The following CYB5R4 variants were observed in gnomAD, a reference collection of about 807,000 sequenced individuals.
CYB5R4 encodes the protein cytochrome b5 reductase 4, also known as N-terminal cytochrome b5 and cytochrome b5 oxidoreductase domain-containing protein.
CYB5R4 carries 55 observed loss-of-function variants against 70.2 expected under a neutral mutation model. The observed-to-expected ratio is 0.78, with a 90% CI of 0.63 to 0.98. CYB5R4 has a LOEUF of 0.98. Ranked by LOEUF, CYB5R4 falls within the 50% of genes least tolerant of loss-of-function variation. The pLI, the probability that CYB5R4 is intolerant of heterozygous loss-of-function variation, is 0.00. For missense variants in CYB5R4, 562 were observed against 612.6 expected (o/e 0.92, Z 0.87); for synonymous variants, 197 against 199.5 (o/e 0.99, Z 0.11).
At chr6:83,871,435 TA>T (rs1331631896) in intron 2 of CYB5R4, among the ~76,000 whole-genome samples, 1 of 152,210 alleles carries the variant, frequency 6.6e-6, no homozygotes, top group Non-Finnish European at 1.5e-5. Flanking sequence ...CTTTATCTCC[TA>T]AATTGTCATT....
chr6:83,894,942 G>A (rs1473207098), intron 3 of CYB5R4, among the ~76,000 whole-genome samples: 1 of 152,132 alleles, frequency 6.6e-6, no homozygotes, highest in African/African-American at 2.4e-5. Flanking sequence ...CTCGGTTGCA[G>A]TTCAAACCTG....
intron 3 of CYB5R4, among the ~76,000 whole-genome samples, chr6:83,902,402 G>A (rs997729006): frequency 4.6e-5 from 7 of 151,994 alleles, no homozygotes; most frequent in Non-Finnish European, 1.0e-4. Context: ...TACCAATACT[G>A]TGCTGTTTTG....
intron 14 of CYB5R4, among the ~76,000 whole-genome samples, chr6:83,952,932 C>T (rs2099471771): frequency 6.6e-6 from 1 of 152,106 alleles, no homozygotes; most frequent in African/African-American, 2.4e-5. Context: ...CTGATGATGC[C>T]AGAAGCAGAA....
At chr6:83,934,272 T>G (rs771829069) in intron 10 of CYB5R4, among the ~76,000 whole-genome samples, 1 of 151,740 alleles carries the variant, frequency 6.6e-6, no homozygotes, top group South Asian at 2.1e-4. Flanking sequence ...AGAATGTAAG[T>G]TTCTTCATTA....
intron 2 of CYB5R4, among the ~76,000 whole-genome samples, chr6:83,873,354 C>T (rs958545731): frequency 1.3e-5 from 2 of 150,978 alleles, no homozygotes; most frequent in African/African-American, 4.9e-5. Context: ...ATTCTCGTGC[C>T]TCAGCCTCCC....
At chr6:83,910,609 G>A (rs1312347251) in intron 4 of CYB5R4, among the ~76,000 whole-genome samples, 2 of 152,176 alleles carry the variant, frequency 1.3e-5, no homozygotes, top group Non-Finnish European at 2.9e-5. Context: ...TGTTTTGTTT[G>A]TGTTAGCATT....
chr6:83,905,041 T>A (rs6914522), intron 3 of CYB5R4, among the ~76,000 whole-genome samples: 23,691 of 151,706 alleles, frequency 0.16, 3,633 homozygotes, highest in African/African-American at 0.38. Context: ...TTTTGTATGT[T>A]TGTTTTGTTT....
At chr6:83,892,520 C>G (rs2099461261) in intron 2 of CYB5R4, among the ~76,000 whole-genome samples, 1 of 152,102 alleles carries the variant, frequency 6.6e-6, no homozygotes. Context: ...GAAAAAGCAA[C>G]TTACTTCCTT....
chr6:83,883,961 G>A (rs1050697446), intron 2 of CYB5R4, among the ~76,000 whole-genome samples: 1 of 151,748 alleles, frequency 6.6e-6, no homozygotes, highest in Non-Finnish European at 1.5e-5. Context: ...AATTTAAAGA[G>A]GAAGGCCAAA....
intron 3 of CYB5R4, among the ~76,000 whole-genome samples, chr6:83,900,114 G>A (rs1342229435): frequency 6.6e-6 from 1 of 152,040 alleles, no homozygotes; most frequent in African/African-American, 2.4e-5. Context: ...AGTGCTTTAA[G>A]TTTCCCTCTA....
At chr6:83,874,289 C>T (rs1301249160) in intron 2 of CYB5R4, among the ~76,000 whole-genome samples, 1 of 150,652 alleles carries the variant, frequency 6.6e-6, no homozygotes, top group Non-Finnish European at 1.5e-5. Context: ...CTCCTAGGCT[C>T]AAGTAATCCT....
chr6:83,940,627 TTTAG>T lies in CYB5R4; in HGVS notation c.1346+30_1346+33del, dbSNP rs766249584. 2.5e-6 allele frequency: 4 copies of T among 1,582,832 alleles called. No homozygotes were observed. In the African/African-American group the frequency reaches 5.5e-5, roughly 22 times the overall value. Reference sequence around the variant, plus strand: ...GTATTAAACTGATATTAGCTCTGCGTTTAGTTATTTATACCTGGGTAGTAAGTCT... The same window carrying T: ...GTATTAAACTGATATTAGCTCTGCGTTTATTTATACCTGGGTAGTAAGTCT... On this transcript the variant is annotated intron_variant, in intron 14 of 15. Transcript: ENST00000369681.
chr6:83,959,549 A>G (rs2099472985), intron 15 of CYB5R4, among the ~76,000 whole-genome samples: 1 of 152,192 alleles, frequency 6.6e-6, no homozygotes, highest in Non-Finnish European at 1.5e-5. Context: ...AATCATAATG[A>G]GTAAATTTTA....
chr6:83,924,333 A>C (rs987240780), intron 9 of CYB5R4, 137 bp from the exon 10 acceptor site: 1 of 779,010 alleles, frequency 1.3e-6, no homozygotes, highest in Admixed American at 3.1e-5. Context: ...ATGTAAGCAA[A>C]ATCTTATTTA....
chr6:83,863,624 A>G (rs1369855131), intron 1 of CYB5R4, among the ~76,000 whole-genome samples: 1 of 152,110 alleles, frequency 6.6e-6, no homozygotes, highest in Admixed American at 6.5e-5. Flanking sequence ...CTGGTTCAAT[A>G]CCATTCCTGT....
rs1389004680 is a variant in CYB5R4, at chr6:83,965,717, TG to T, written c.*5841del. ...GAGCCAGGGGTGGGATGATATGGTT[TG>T]GCTCTGTGTCCCCACCCAAATTTCA... On this transcript the variant is annotated 3_prime_UTR_variant, in exon 16 of 16. Transcript: ENST00000369681. The T allele has an allele frequency of 4.6e-5, 7 of 152,208 alleles. No individual in the cohort carries two copies. Among genetic ancestry groups the T allele is most frequent in the Non-Finnish European group, 8.8e-5 (6 of 68,038 alleles). The allele number at this position is 152,208 out of a possible 1,614,324, so 9.4% of individuals were successfully genotyped here. A position where few individuals can be genotyped will look rare whatever the true frequency, so the allele number is the denominator to read the frequency against.
At chr6:83,917,947 A>G in intron 5 of CYB5R4, 58 bp from the exon 6 acceptor site, 6 of 1,370,370 alleles carry the variant, frequency 4.4e-6, no homozygotes, top group Non-Finnish European at 5.2e-6. Context: ...AGTTAACTTA[A>G]AAGACAAAAA....
intron 2 of CYB5R4, among the ~76,000 whole-genome samples, chr6:83,890,139 G>C (rs1446133232): frequency 6.6e-6 from 1 of 152,166 alleles, no homozygotes; most frequent in Non-Finnish European, 1.5e-5. Context: ...ATTTTATAAG[G>C]CTATGACTGC....
rs781095377 is a variant in CYB5R4 at position 83,955,460 on chromosome 6, A to G, written c.1509A>G (p.Val503=). ...CAGTGCCATTTACAGAACAAGGAGTAAGGTGAGTAACAGTGTAGTAGGAAA... is the reference window on the plus strand; with the variant it reads ...CAGTGCCATTTACAGAACAAGGAGTGAGGTGAGTAACAGTGTAGTAGGAAA... ...CGPVPFTEQG[V]RLLHDLNFSK... The change falls in exon 15 of 16, where the codon GTA becomes GTG. Residue 503 remains valine (V), a splice_region_variant and synonymous_variant. Coordinates refer to ENST00000369681, the MANE Select transcript of CYB5R4 (RefSeq NM_016230.4). 4 of 1,613,354 alleles carry G rather than the reference A, an allele frequency of 2.5e-6. No individual in the cohort carries two copies. The highest frequency in any genetic ancestry group is 3.4e-6 in the Non-Finnish European group (4 of 1,179,530).
Sources: gnomAD v4.1 joint callset for allele counts (sites outside exome capture counted in the v4.1 genomes callset) on GRCh38, gnomAD v4.1.1 for gene constraint, MANE v1.5 for transcripts, NCBI Gene and HGNC (gene_info 2026-07-23, HGNC 2026-07-21) for gene names.